The following FRMD5 variants were observed in gnomAD, a reference collection of about 807,000 sequenced individuals.
FRMD5 encodes the protein FERM domain containing 5, also known as FERM domain-containing protein 5.
A neutral mutation model predicts 69.0 loss-of-function variants in FRMD5; 20 were observed. The observed-to-expected ratio is 0.29, with a 90% CI of 0.20 to 0.42. The LOEUF (loss-of-function observed/expected upper bound fraction) is 0.42. FRMD5 is among the 10% of genes least tolerant of loss of function. The pLI is 1.00. For synonymous variants in FRMD5, 271 were observed against 260.1 expected (o/e 1.04, Z -0.40); for missense variants, 595 against 708.6 (o/e 0.84, Z 1.82).
At chr15:43,885,595 T>C in intron 11 of FRMD5, 86 bp downstream of exon 11, 11 of 1,134,932 alleles carry the variant, frequency 9.7e-6, no homozygotes, top group Non-Finnish European at 1.3e-5. Flanking sequence ...CCCTGGTTTC[T>C]CTGTTCTAAA....
chr15:43,880,272 G>T (rs1462106738), intron 13 of FRMD5, among the ~76,000 whole-genome samples: 2 of 152,190 alleles, frequency 1.3e-5, no homozygotes, highest in Non-Finnish European at 2.9e-5. Context: ...AAAGTCTTTG[G>T]TGGAGCATGA....
intron 1 of FRMD5, among the ~76,000 whole-genome samples, chr15:43,980,393 C>T (rs1219010946): frequency 6.6e-6 from 1 of 152,186 alleles, no homozygotes; most frequent in African/African-American, 2.4e-5. Context: ...GAAAATAACT[C>T]AGCATTTCTA....
At chr15:44,066,518 G>A (rs1001383474) in intron 1 of FRMD5, among the ~76,000 whole-genome samples, 1 of 152,170 alleles carries the variant, frequency 6.6e-6, no homozygotes, top group South Asian at 2.1e-4. Flanking sequence ...GCATTCTGGG[G>A]AAAAGGCATT....
At chr15:44,009,260 A>T (rs1890603846) in intron 1 of FRMD5, among the ~76,000 whole-genome samples, 1 of 152,244 alleles carries the variant, frequency 6.6e-6, no homozygotes, top group African/African-American at 2.4e-5. Context: ...ATGACTGATA[A>T]TGAGTCAGAG....
chr15:43,983,119 T>C (rs1362413354), intron 1 of FRMD5, among the ~76,000 whole-genome samples: 1 of 152,102 alleles, frequency 6.6e-6, no homozygotes, highest in Non-Finnish European at 1.5e-5. Context: ...TTAGTAGAGA[T>C]AGGGTTTCAC....
At chr15:44,055,887 A>T (rs1239570715) in intron 1 of FRMD5, among the ~76,000 whole-genome samples, 1 of 152,138 alleles carries the variant, frequency 6.6e-6, no homozygotes, top group Non-Finnish European at 1.5e-5. Context: ...TAATTCTATA[A>T]ATGTCATGAT....
intron 1 of FRMD5, among the ~76,000 whole-genome samples, chr15:44,164,772 A>G (rs1595543824): frequency 6.6e-6 from 1 of 152,352 alleles, no homozygotes; most frequent in South Asian, 2.1e-4. Flanking sequence ...AAACTGTCAC[A>G]GTGAAGAAGC....
chr15:43,908,498 C>A (rs1731021140), intron 5 of FRMD5, among the ~76,000 whole-genome samples: 1 of 152,146 alleles, frequency 6.6e-6, no homozygotes, highest in African/African-American at 2.4e-5. Context: ...GCCAGAAGGA[C>A]TTTAGTTTCT....
At chr15:44,060,260 C>T (rs149375020) in intron 1 of FRMD5, among the ~76,000 whole-genome samples, 2 of 152,256 alleles carry the variant, frequency 1.3e-5, no homozygotes, top group Non-Finnish European at 2.9e-5. Context: ...TTGAAGGCAG[C>T]GAGGGAAGAC....
intron 1 of FRMD5, among the ~76,000 whole-genome samples, chr15:44,086,203 CCA>C (rs908926791): frequency 1.1e-4 from 16 of 152,100 alleles, no homozygotes; most frequent in African/African-American, 3.9e-4. Context: ...CATAGCAATT[CCA>C]CTTCTAGGAA....
chr15:44,002,979 G>A (rs1443858607), intron 1 of FRMD5, among the ~76,000 whole-genome samples: 1 of 152,080 alleles, frequency 6.6e-6, no homozygotes, highest in Non-Finnish European at 1.5e-5. Context: ...CAGGATACAA[G>A]GAAAGAATTC....
At position 44,134,741 on chromosome 15, in the gene FRMD5, C is replaced by T. The variant is rs143293450; in HGVS notation, c.102+60212G>A. Among the ~76,000 whole-genome samples, 78 of 152,282 alleles carry T rather than the reference C, an allele frequency of 5.1e-4. 3 individuals carry two copies. In the East Asian group the frequency reaches 0.013, roughly 26 times the overall value. On this transcript the variant is annotated intron_variant, in intron 1 of 13. Transcript: ENST00000417257. ...CTGGGATTACAGGCACGAGCCAACG[C>T]GCCCAGCCCCGAGAGGTGTACTTTA...
chr15:44,169,340 C>T (rs778531638), intron 1 of FRMD5, among the ~76,000 whole-genome samples: 4 of 151,818 alleles, frequency 2.6e-5, no homozygotes, highest in African/African-American at 9.7e-5. Context: ...ATGAAGGTGA[C>T]CTTTAACCAA....
intron 1 of FRMD5, among the ~76,000 whole-genome samples, chr15:44,127,522 T>C (rs2077040164): frequency 6.6e-6 from 1 of 152,174 alleles, no homozygotes; most frequent in Non-Finnish European, 1.5e-5. Context: ...CCATGACTAC[T>C]GTACAATCTC....
intron 1 of FRMD5, among the ~76,000 whole-genome samples, chr15:44,154,109 C>T (rs1280974229): frequency 6.6e-6 from 1 of 152,080 alleles, no homozygotes; most frequent in Non-Finnish European, 1.5e-5. Context: ...ACTGCTTAAG[C>T]CCAGGAGTTG....
intron 1 of FRMD5, among the ~76,000 whole-genome samples, chr15:44,013,159 C>T (rs780932540): frequency 6.6e-5 from 10 of 152,152 alleles, no homozygotes; most frequent in Non-Finnish European, 1.3e-4. Context: ...GAAGCTGAGG[C>T]AGGATGACTG....
intron 1 of FRMD5, among the ~76,000 whole-genome samples, chr15:44,105,830 C>T (rs774053731): frequency 8.5e-5 from 13 of 152,266 alleles, no homozygotes; most frequent in Non-Finnish European, 1.8e-4. Context: ...GTATTTACCA[C>T]ACAATTTCTT....
chr15:43,989,078 G>C, intron 1 of FRMD5: 4 of 914,688 alleles, frequency 4.4e-6, no homozygotes, highest in Non-Finnish European at 7.3e-6. Flanking sequence ...CATCTGCGGT[G>C]GATGATGGAG....
intron 1 of FRMD5, among the ~76,000 whole-genome samples, chr15:44,026,592 CCTGT>C (rs1288159026): frequency 3.9e-5 from 6 of 152,194 alleles, no homozygotes; most frequent in African/African-American, 9.6e-5. Context: ...AGTTGCAAGC[CCTGT>C]CTATCACAAT....
Sources: gnomAD v4.1 joint callset for allele counts (sites outside exome capture counted in the v4.1 genomes callset) on GRCh38, gnomAD v4.1.1 for gene constraint, MANE v1.5 for transcripts, NCBI Gene and HGNC (gene_info 2026-07-23, HGNC 2026-07-21) for gene names.